Variants in CTSW observed in about 807,000 individuals in gnomAD.
CTSW encodes the protein cathepsin W.
CTSW carries 42 observed loss-of-function variants against 43.8 expected under a neutral mutation model. The ratio of observed to expected loss-of-function variants is 0.96; its 90% CI spans 0.75 to 1.24. The LOEUF is 1.24. Ranked by LOEUF, CTSW falls within the 50% of genes most tolerant of loss-of-function variation. The pLI is 0.00. For synonymous variants in CTSW, 191 were observed against 184.8 expected (o/e 1.03, Z -0.27); for missense variants, 475 against 479.9 (o/e 0.99, Z 0.09).
intron 5 of CTSW, 35 bp downstream of exon 5, chr11:65,882,561 A>C: frequency 6.2e-7 from 1 of 1,613,930 alleles, no homozygotes; most frequent in African/African-American, 1.3e-5. Flanking sequence ...GTGACAGGGG[A>C]GGGAGGCCTA....
At chr11:65,882,104 C>T in intron 3 of CTSW, 71 bp from the exon 4 acceptor site, 1 of 1,562,366 alleles carries the variant, frequency 6.4e-7, no homozygotes, top group South Asian at 1.2e-5. Flanking sequence ...GGACCAACAG[C>T]TGGAGTGGGA....
chr11:65,880,353 C>G, intron 2 of CTSW, 67 bp downstream of exon 2: 1 of 1,306,866 alleles, frequency 7.7e-7, no homozygotes, highest in Non-Finnish European at 1.1e-6. Flanking sequence ...CGGAGTTTCA[C>G]TCTTGTTGAC....
rs773725096 is a variant in CTSW, at chr11:65,883,058, C to A, written c.746-11C>A. ...CACATGCCAAGGGTCTGATGATGTT[C>A]CTGTCCCCAGGAATTGCGCAGTACC... On this transcript the variant is annotated splice_polypyrimidine_tract_variant and intron_variant, in intron 7 of 9. Coordinates refer to ENST00000307886, the MANE Select transcript of CTSW (RefSeq NM_001335.4). The A allele has an allele frequency of 1.2e-6, 2 of 1,614,054 alleles. No homozygotes were observed. Among genetic ancestry groups the A allele is most frequent in the East Asian group, 2.2e-5 (1 of 44,876 alleles).
chr11:65,882,999 TG>T (rs1282412928), intron 7 of CTSW, 69 bp from the exon 8 acceptor site: 10 of 1,608,744 alleles, frequency 6.2e-6, no homozygotes, highest in African/African-American at 4.1e-5. Context: ...CAAGAGGGGG[TG>T]GGGGGAGCGA....
At chr11:65,882,962 G>A in intron 7 of CTSW, 58 bp downstream of exon 7, 1 of 1,612,458 alleles carries the variant, frequency 6.2e-7, no homozygotes, top group African/African-American at 1.3e-5. Context: ...GGCAGAGGCA[G>A]ACACGCTGGG....
chr11:65,882,891 G>C lies in CTSW; in HGVS notation c.732G>C (p.Gln244His). ...GGATCCAGGACTTCATCATGCTGCA[G>C]AACAACGAGCACAGTGCGGGCAGGG... ...VAWIQDFIML[Q>H]NNEHRIAQYL... is the part of the protein sequence containing the mutation. Residue 244 changes from glutamine (Q) to histidine (H), a missense_variant, in exon 7 of 10, where the codon CAG (glutamine) becomes CAC (histidine). Physicochemically the swap from Gln to His is conservative, Grantham distance 24 (BLOSUM62 0). Transcript: ENST00000307886. The C allele has an allele frequency of 1.2e-6, 2 of 1,614,044 alleles. No individual in the cohort carries two copies. The highest frequency in any genetic ancestry group is 1.7e-6 in the Non-Finnish European group (2 of 1,180,026).
At chr11:65,880,649 G>C in intron 2 of CTSW, 1 of 236,226 alleles carries the variant, frequency 4.2e-6, no homozygotes, top group Non-Finnish European at 8.4e-6. Context: ...TGAAGAAATC[G>C]AAGCTCAGGG....
intron 9 of CTSW, 25 bp downstream of exon 9, chr11:65,883,449 G>C: frequency 1.9e-6 from 3 of 1,613,654 alleles, no homozygotes; most frequent in Non-Finnish European, 1.7e-6. Flanking sequence ...TTGGGGGAGG[G>C]GGCAAGGCAG....
Position 65,883,615 on chromosome 11 carries a change from C to A in CTSW, c.1128C>A (p.Pro376=), listed in dbSNP as rs1156375519. The part of the protein sequence containing the change: ...PDMKPRVSCP[P] ...TGAAGCCCCGAGTCTCCTGCCCTCC[C>A]TGAACCCACCTGGCCCCCTCAGCTC... The change falls in exon 10 of 10, where the codon CCC becomes CCA. Residue 376 remains proline (P), a synonymous_variant. Coordinates refer to ENST00000307886, the MANE Select transcript of CTSW (RefSeq NM_001335.4). 4 of 1,613,020 alleles carry A rather than the reference C, an allele frequency of 2.5e-6. No homozygotes were observed. In the African/African-American group the frequency reaches 5.3e-5, roughly 22 times the overall value.
At position 65,882,296 on chromosome 11, in the gene CTSW, G is replaced by A. The variant is rs778495901; in HGVS notation, c.408G>A (p.Lys136=). 3.1e-6 allele frequency: 5 copies of A among 1,614,176 alleles called. No homozygotes were observed. The highest frequency in any genetic ancestry group is 3.3e-5 in the Admixed American group (2 of 60,018). Reference sequence around the variant, plus strand: ...TACCTTTCAGCTGTGACTGGCGGAAGGTGGCCAGCGCCATCTCACCCATCA... The same window carrying A: ...TACCTTTCAGCTGTGACTGGCGGAAAGTGGCCAGCGCCATCTCACCCATCA... ...ESVPFSCDWR[K]VASAISPIKD... The change falls in exon 4 of 10, where the codon AAG becomes AAA. Residue 136 remains lysine (K), a synonymous_variant. Coordinates refer to ENST00000307886, the MANE Select transcript of CTSW (RefSeq NM_001335.4).
Position 65,883,418 on chromosome 11 carries a change from A to G in CTSW, c.1014A>G (p.Gly338=), listed in dbSNP as rs1208545557. 6 of 1,613,872 alleles carry G rather than the reference A, an allele frequency of 3.7e-6. No homozygotes were observed. The highest frequency in any genetic ancestry group is 3.3e-4 in the Middle Eastern group (2 of 6,084). The part of the protein sequence containing the change: ...ILKNSWGAQW[G]EKGYFRLHRG... ...AGAACTCCTGGGGGGCCCAATGGGG[A>G]GAGAAGGTGAGTGTGATCTATTGGG... The change falls in exon 9 of 10, where the codon GGA becomes GGG. Residue 338 remains glycine, a synonymous_variant. Transcript: ENST00000307886.
rs1394070122 is a variant in CTSW at position 65,882,761 on chromosome 11, T to C, written c.620-18T>C. On this transcript the variant is annotated intron_variant, in intron 6 of 9. Coordinates refer to ENST00000307886, the MANE Select transcript of CTSW (RefSeq NM_001335.4). ...TGGGCAGGAGCGGAACCTCCTCCCTTGTCTTGCTTATCTGCAGGCGGCCTG... is the reference window on the plus strand; with the variant it reads ...TGGGCAGGAGCGGAACCTCCTCCCTCGTCTTGCTTATCTGCAGGCGGCCTG... 3 of 1,614,106 alleles carry C rather than the reference T, an allele frequency of 1.9e-6. No homozygotes were observed. Among genetic ancestry groups the C allele is most frequent in the Non-Finnish European group, 1.7e-6 (2 of 1,180,014 alleles).
intron 1 of CTSW, 63 bp from the exon 2 acceptor site, chr11:65,880,139 A>T: frequency 6.6e-7 from 1 of 1,510,232 alleles, no homozygotes; most frequent in Non-Finnish European, 9.2e-7. Context: ...CTGGGAACTA[A>T]GGTGGGGCCC....
rs1263903558 is a variant in CTSW at position 65,881,620 on chromosome 11, G to A, written c.286+100G>A. Reference sequence around the variant, plus strand: ...GCGGACCTTCAATTTTTACTTCCCAGGGAAGGAAATTCATTTCCCTGAGGA... The same window carrying A: ...GCGGACCTTCAATTTTTACTTCCCAAGGAAGGAAATTCATTTCCCTGAGGA... On this transcript the variant is annotated intron_variant, in intron 3 of 9. Coordinates refer to ENST00000307886, the MANE Select transcript of CTSW (RefSeq NM_001335.4). 6.5e-6 allele frequency: 5 copies of A among 771,178 alleles called. No homozygotes were observed. The Admixed American group carries it at 8.1e-5, about 12-fold the overall frequency. The allele number at this position is 771,178 out of a possible 1,614,324, so 47.8% of individuals were successfully genotyped here.
At chr11:65,880,370 G>A in intron 2 of CTSW, 84 bp downstream of exon 2, 1 of 1,079,850 alleles carries the variant, frequency 9.3e-7, no homozygotes, top group Non-Finnish European at 1.4e-6. Flanking sequence ...TGACCAGGCT[G>A]GAGTGCAATG....
Position 65,879,862 on chromosome 11 carries a change from T to C in CTSW, c.8T>C (p.Leu3Pro). 2 of 1,613,786 alleles carry C rather than the reference T, an allele frequency of 1.2e-6. No individual in the cohort carries two copies. Among genetic ancestry groups the C allele is most frequent in the Non-Finnish European group, 1.7e-6 (2 of 1,179,920 alleles). ...ACTCCAGACTGCACCGGCATGGCAC[T>C]GACTGCCCACCCCTCCTGCCTCCTG... is the stretch of plus-strand genomic sequence containing the variant. MA[L>P]TAHPSCLLAL... The change falls in exon 1 of 10, where the codon CTG becomes CCG. Residue 3 changes from leucine to proline, a missense_variant. Physicochemically the swap from Leu to Pro is moderately conservative, Grantham distance 98. Transcript: ENST00000307886.
rs777175870 is a variant in CTSW at position 65,882,307 on chromosome 11, C to T, written c.419C>T (p.Ala140Val). The change falls in exon 4 of 10, where the codon GCC becomes GTC. Residue 140 changes from alanine (A) to valine (V), a missense_variant. Ala to Val is a moderately conservative substitution (Grantham distance 64, BLOSUM62 0). Transcript: ENST00000307886. The stretch of plus-strand genomic sequence containing the variant: ...TGTGACTGGCGGAAGGTGGCCAGCG[C>T]CATCTCACCCATCAAGGACCAGGTA... ...FSCDWRKVAS[A>V]ISPIKDQKNC... 2 of 1,614,130 alleles carry T rather than the reference C, an allele frequency of 1.2e-6. No individual in the cohort carries two copies. The highest frequency in any genetic ancestry group is 2.7e-5 in the African/African-American group (2 of 75,050).
Position 65,883,493 on chromosome 11 carries a change from C to T in CTSW, c.1021-15C>T, listed in dbSNP as rs369019937. 6.4e-5 allele frequency: 104 copies of T among 1,612,798 alleles called. No homozygotes were observed. Among genetic ancestry groups the T allele is most frequent in the Middle Eastern group, 1.6e-4 (1 of 6,080 alleles). Reference sequence around the variant, plus strand: ...TCTTCCCACCTTCCCGCCCCTATGTCCCCTAACCTCCTAGGGCTATTTCCG... The same window carrying T: ...TCTTCCCACCTTCCCGCCCCTATGTTCCCTAACCTCCTAGGGCTATTTCCG... On this transcript the variant is annotated splice_polypyrimidine_tract_variant and intron_variant, in intron 9 of 9. Transcript: ENST00000307886.
rs1292790125 is a variant in CTSW at position 65,882,255 on chromosome 11, GA to G, written c.368del (p.Glu123GlyfsTer40). ...CATGGGCAGAGAAATAAGGTCTGAAGAGCCAGAGGAGTCAGTACCTTTCAGC... is the reference window on the plus strand; with the variant it reads ...CATGGGCAGAGAAATAAGGTCTGAAGGCCAGAGGAGTCAGTACCTTTCAGC... Reference protein sequence around the residue: ...PSMGREIRSEEPEESVPFSCD... With the variant: ...PSMGREIRSEXPEESVPFSCD... On this transcript the variant is annotated frameshift_variant, in exon 4 of 10. Coordinates refer to ENST00000307886, the MANE Select transcript of CTSW (RefSeq NM_001335.4). LOFTEE classifies it high-confidence loss of function. The G allele has an allele frequency of 2.2e-5, 36 of 1,614,084 alleles. No homozygotes were observed. Among genetic ancestry groups the G allele is most frequent in the Non-Finnish European group, 2.9e-5 (34 of 1,180,050 alleles).
Sources: gnomAD v4.1 joint callset for allele counts on GRCh38, gnomAD v4.1.1 for gene constraint, MANE v1.5 for transcripts, NCBI Gene and HGNC (gene_info 2026-07-23, HGNC 2026-07-21) for gene names.